ADAMTS18: variants seen among roughly 807,000 people sequenced by gnomAD.
The protein encoded by ADAMTS18 is A disintegrin and metalloproteinase with thrombospondin motifs 18.
Under a neutral mutation model 165.9 loss-of-function variants are expected in ADAMTS18, and 157 were observed. The observed-to-expected ratio is 0.95, with a 90% CI of 0.83 to 1.08. The LOEUF is 1.08. Ranked by LOEUF, ADAMTS18 falls within the 50% of genes least tolerant of loss-of-function variation. ADAMTS18 has a pLI of 0.00. For synonymous variants in ADAMTS18, 782 were observed against 578.2 expected, an observed-to-expected ratio of 1.35 and a Z score of -5.06; for missense variants, 2,040 against 1,534.0, an observed-to-expected ratio of 1.33 and a Z score of -5.51.
At position 77,284,074 on chromosome 16, in the gene ADAMTS18, A is replaced by AAAAT; in HGVS notation, c.3551-7_3551-4dup. The AAAAT allele has an allele frequency of 6.3e-7, 1 of 1,589,650 alleles. No homozygotes were observed. Among genetic ancestry groups the AAAAT allele is most frequent in the Non-Finnish European group, 8.6e-7 (1 of 1,157,842 alleles). ...GAAATCTACGCAGGATGGATCCTCTAAAATAAGAAAATATATTTAGCATGT... is the reference window on the plus strand; with the variant it reads ...GAAATCTACGCAGGATGGATCCTCTAAAATAAATAAGAAAATATATTTAGCATGT... On this transcript the variant is annotated splice_polypyrimidine_tract_variant and splice_region_variant and intron_variant, in intron 22 of 22. Coordinates refer to ENST00000282849, the MANE Select transcript of ADAMTS18 (RefSeq NM_199355.4).
At chr16:77,317,926 C>T (rs1327731532) in intron 16 of ADAMTS18, among the ~76,000 whole-genome samples, 4 of 152,184 alleles carry the variant, frequency 2.6e-5, no homozygotes, top group Non-Finnish European at 4.4e-5. Context: ...TTGCCTTATT[C>T]ATCACTAATC....
intron 3 of ADAMTS18, among the ~76,000 whole-genome samples, chr16:77,379,968 T>C (rs1284861406): frequency 6.6e-6 from 1 of 152,206 alleles, no homozygotes; most frequent in African/African-American, 2.4e-5. Context: ...GCATGCAGTG[T>C]CTATGCACTC....
At chr16:77,342,458 T>G (rs76561196) in intron 10 of ADAMTS18, among the ~76,000 whole-genome samples, 1 of 151,322 alleles carries the variant, frequency 6.6e-6, no homozygotes, top group Non-Finnish European at 1.5e-5. Flanking sequence ...TTATAGTTTA[T>G]TGACTGACTG....
At chr16:77,297,228 TAAC>T in intron 18 of ADAMTS18, 58 bp downstream of exon 18, 5 of 1,600,844 alleles carry the variant, frequency 3.1e-6, no homozygotes, top group Non-Finnish European at 4.3e-6. Flanking sequence ...CATCATCTCA[TAAC>T]AACAATGAAG....
chr16:77,337,012 T>C (rs998972807), intron 11 of ADAMTS18, among the ~76,000 whole-genome samples: 6 of 152,314 alleles, frequency 3.9e-5, no homozygotes, highest in Non-Finnish European at 7.3e-5. Flanking sequence ...TGCGATACAT[T>C]TGGCTTCATG....
intron 12 of ADAMTS18, among the ~76,000 whole-genome samples, chr16:77,329,269 C>T (rs2056148482): frequency 6.6e-6 from 1 of 152,056 alleles, no homozygotes; most frequent in African/African-American, 2.4e-5. Flanking sequence ...CCATGCCTGG[C>T]AAATTTTTAA....
intron 3 of ADAMTS18, 151 bp downstream of exon 3, chr16:77,431,144 G>GATTAATTCAATTGAGA: frequency 1.2e-6 from 1 of 817,470 alleles, no homozygotes; most frequent in Non-Finnish European, 2.0e-6. Flanking sequence ...GAGCACATTA[G>GATTAATTCAATTGAGA]ATTAATTCAA....
At chr16:77,325,783 A>T (rs1413013637) in intron 13 of ADAMTS18, 83 bp downstream of exon 13, 1 of 1,399,756 alleles carries the variant, frequency 7.1e-7, no homozygotes. Context: ...ACTCTTTGAT[A>T]CAAGCAGCAA....
At chr16:77,288,798 C>A (rs919252008) in intron 22 of ADAMTS18, among the ~76,000 whole-genome samples, 1 of 152,096 alleles carries the variant, frequency 6.6e-6, no homozygotes, top group Non-Finnish European at 1.5e-5. Context: ...TAAATATTCC[C>A]TTCAGACCCA....
intron 3 of ADAMTS18, among the ~76,000 whole-genome samples, chr16:77,382,116 G>C (rs953422255): frequency 6.6e-6 from 1 of 152,106 alleles, no homozygotes; most frequent in Non-Finnish European, 1.5e-5. Flanking sequence ...CATATATTTG[G>C]GAGAGACATA....
chr16:77,320,538 G>A (rs1351412523), intron 15 of ADAMTS18, among the ~76,000 whole-genome samples: 1 of 151,856 alleles, frequency 6.6e-6, no homozygotes, highest in Non-Finnish European at 1.5e-5. Context: ...ACTCAAGAGG[G>A]TGAGGCAGGA....
chr16:77,427,945 A>G (rs1027533490), intron 3 of ADAMTS18, among the ~76,000 whole-genome samples: 3 of 152,248 alleles, frequency 2.0e-5, no homozygotes, highest in African/African-American at 7.2e-5. Flanking sequence ...ATTCACTATT[A>G]TAACCATTCT....
At chr16:77,300,201 G>A in intron 17 of ADAMTS18, 62 bp downstream of exon 17, 1 of 1,595,684 alleles carries the variant, frequency 6.3e-7, no homozygotes, top group Non-Finnish European at 8.6e-7. Flanking sequence ...AAAGACGCCT[G>A]GAGTGAAAGA....
At chr16:77,421,463 G>C (rs539866599) in intron 3 of ADAMTS18, among the ~76,000 whole-genome samples, 3 of 152,340 alleles carry the variant, frequency 2.0e-5, no homozygotes, top group South Asian at 4.1e-4. Context: ...TTTATATTTA[G>C]ACTTCAGATA....
chr16:77,347,247 G>C (rs1010113704), intron 10 of ADAMTS18, among the ~76,000 whole-genome samples: 1 of 152,174 alleles, frequency 6.6e-6, no homozygotes, highest in Non-Finnish European at 1.5e-5. Context: ...GAATCAAATA[G>C]TAGCTGAGAA....
At chr16:77,429,002 T>C (rs1158859428) in intron 3 of ADAMTS18, among the ~76,000 whole-genome samples, 1 of 152,148 alleles carries the variant, frequency 6.6e-6, no homozygotes, top group Non-Finnish European at 1.5e-5. Flanking sequence ...GGGGTGTAAA[T>C]TAGTTCAACC....
chr16:77,297,830 C>A (rs1365752536), intron 17 of ADAMTS18, among the ~76,000 whole-genome samples: 4 of 149,148 alleles, frequency 2.7e-5, no homozygotes, highest in African/African-American at 9.9e-5. Flanking sequence ...ATATCTCATA[C>A]TTCTTAAGAG....
chr16:77,314,982 G>T (rs936965775), intron 16 of ADAMTS18, among the ~76,000 whole-genome samples: 1 of 150,808 alleles, frequency 6.6e-6, no homozygotes, highest in African/African-American at 2.4e-5. Flanking sequence ...AAGTTATGTA[G>T]CTAGTTAAGA....
At chr16:77,376,112 C>G (rs1226086999) in intron 3 of ADAMTS18, among the ~76,000 whole-genome samples, 1 of 151,732 alleles carries the variant, frequency 6.6e-6, no homozygotes, top group Non-Finnish European at 1.5e-5. Context: ...CATGTTGATC[C>G]GGCTGGTCTT....
Sources: allele counts gnomAD v4.1 joint callset (sites outside exome capture counted in the v4.1 genomes callset), GRCh38; gene constraint gnomAD v4.1.1; transcripts MANE v1.5; gene names NCBI Gene and HGNC (gene_info 2026-07-23, HGNC 2026-07-21).